Variants in DLL3 observed in about 807,000 individuals in gnomAD.
The protein encoded by DLL3 is delta like canonical Notch ligand 3.
In DLL3, 49 loss-of-function variants were observed where a neutral mutation model predicts 55.0. The ratio of observed to expected loss-of-function variants is 0.89; its 90% CI spans 0.71 to 1.13. The LOEUF (loss-of-function observed/expected upper bound fraction) is 1.13, where lower values mean the gene tolerates loss of function less well. DLL3 is among the 50% of genes most tolerant of loss of function. The pLI, the probability that DLL3 is intolerant of heterozygous loss-of-function variation, is 0.00. For missense variants in DLL3, 962 were observed against 875.5 expected, an observed-to-expected ratio of 1.10 and a Z score of -1.25; for synonymous variants, 421 against 385.2, an observed-to-expected ratio of 1.09 and a Z score of -1.09.
At chr19:39,499,584 G>A (rs926077655) in intron 2 of DLL3, 111 bp downstream of exon 2, 2 of 1,417,140 alleles carry the variant, frequency 1.4e-6, no homozygotes, top group Non-Finnish European at 1.9e-6. Context: ...CTCCCAGGGG[G>A]TGGACGAAAT....
chr19:39,499,227 C>G lies in DLL3; in HGVS notation c.105C>G (p.His35Gln). 6.4e-7 allele frequency: 1 copy of G among 1,555,290 alleles called. No individual in the cohort carries two copies. The highest frequency in any genetic ancestry group is 8.7e-7 in the Non-Finnish European group (1 of 1,155,534). ...CTGGCGTCTTCGAGCTGCAGATCCA[C>G]TCTTTCGGGCCGGGTCCAGGCCCTG... ...RPAGVFELQI[H>Q]SFGPGPGPGA... Residue 35 changes from histidine (H) to glutamine (Q), a missense_variant, in exon 2 of 9, where the codon CAC becomes CAG. By Grantham distance (24) the His-to-Gln change is conservative (BLOSUM62 0). Coordinates refer to ENST00000356433, the MANE Select transcript of DLL3 (RefSeq NM_203486.3).
Position 39,507,097 on chromosome 19 carries a change from G to T in DLL3, c.1152G>T (p.Ala384=), listed in dbSNP as rs115456333. 6.5e-7 allele frequency: 1 copy of T among 1,543,400 alleles called. No homozygotes were observed. Among genetic ancestry groups the T allele is most frequent in the East Asian group, 2.4e-5 (1 of 41,534 alleles). The change falls in exon 7 of 9, where the codon GCG becomes GCT. Residue 384 remains alanine (A), a synonymous_variant. Transcript: ENST00000356433. ...ALRCRCRAGF[A]GPRCEHDLDD... The stretch of plus-strand genomic sequence containing the variant: ...GCTGCCGCTGCCGCGCCGGCTTCGC[G>T]GGTCCTCGCTGCGAGCACGACCTGG...
At chr19:39,506,315 C>G (rs1372244400) in intron 6 of DLL3, among the ~76,000 whole-genome samples, 2 of 147,360 alleles carry the variant, frequency 1.4e-5, no homozygotes, top group Admixed American at 1.4e-4. Context: ...TGCAGTGAGC[C>G]GAGATCGCGC....
In DLL3 at chr19:39,502,995, C is replaced by T. The variant is rs2079619386; in HGVS notation, c.590C>T (p.Pro197Leu). ...CTRLCRPRSA[P>L]SRCGPGLRPC... is the part of the protein sequence containing the mutation. The stretch of plus-strand genomic sequence containing the variant: ...CGCCTCTGCCGTCCGCGCAGCGCCC[C>T]CTCGCGGTGCGGTCCGGGACTGCGC... The change falls in exon 4 of 9, where the codon CCC becomes CTC. Residue 197 changes from proline (P) to leucine (L), a missense_variant. Transcript: ENST00000356433. 6.7e-7 allele frequency: 1 copy of T among 1,484,496 alleles called. No homozygotes were observed. Among genetic ancestry groups the T allele is most frequent in the African/African-American group, 1.5e-5 (1 of 68,566 alleles). 92.0% of individuals were successfully genotyped at this position (1,484,496 alleles called of 1,614,324 possible).
chr19:39,500,643 G>A lies in DLL3; in HGVS notation c.380G>A (p.Trp127Ter). ...ACCTTCTCTTTCATCATCGAAACCT[G>A]GAGAGAGGAGTTAGGAGACCAGATT... ...PGTFSFIIET[W>*]REELGDQIGG... Residue 127 changes from tryptophan (W) to a stop codon, truncating the protein, a stop_gained, in exon 3 of 9, where the codon TGG (tryptophan) becomes TAG (stop). Coordinates refer to ENST00000356433, the MANE Select transcript of DLL3 (RefSeq NM_203486.3). LOFTEE classifies it high-confidence loss of function. The A allele has an allele frequency of 6.2e-7, 1 of 1,613,680 alleles. No individual in the cohort carries two copies. Among genetic ancestry groups the A allele is most frequent in the South Asian group, 1.1e-5 (1 of 91,072 alleles).
In DLL3 at chr19:39,508,259, G is replaced by A. The variant is rs758451349; in HGVS notation, c.*2G>A. 12 of 1,613,802 alleles carry A rather than the reference G, an allele frequency of 7.4e-6. No individual in the cohort carries two copies. In the Admixed American group the frequency reaches 1.7e-4, roughly 22 times the overall value. On this transcript the variant is annotated 3_prime_UTR_variant, in exon 9 of 9. Transcript: ENST00000356433. ...TACTCATTTTGTTTCTAGGCCTGAC[G>A]CGTCTCCTCCATCCGCACCTGGAGT...
At chr19:39,499,526 G>A (rs1026571683) in intron 2 of DLL3, 53 bp downstream of exon 2, 18 of 1,550,894 alleles carry the variant, frequency 1.2e-5, no homozygotes, top group East Asian at 2.4e-5. Context: ...CCCTGCCAGC[G>A]AAACCTCCAC....
At chr19:39,505,498 G>A in intron 6 of DLL3, 47 bp downstream of exon 6, 1 of 1,605,778 alleles carries the variant, frequency 6.2e-7, no homozygotes, top group African/African-American at 1.3e-5. Flanking sequence ...GGGGGTCCTG[G>A]ATGGCTCAGA....
Position 39,507,506 on chromosome 19 carries a change from T to A in DLL3, c.1561T>A (p.Ser521Thr), listed in dbSNP as rs779452017. 3.8e-6 allele frequency: 6 copies of A among 1,599,210 alleles called. No individual in the cohort carries two copies. In the East Asian group the frequency reaches 1.4e-4, roughly 36 times the overall value. ...GGTCCACGTGCGCCGCCGTGGCCAC[T>A]CCCAGGATGCTGGGTCTCGCTTGCT... ...LLVHVRRRGH[S>T]QDAGSRLLAG... is the part of the protein sequence containing the mutation. The change falls in exon 7 of 9, where the codon TCC (serine) becomes ACC (threonine). Residue 521 changes from serine (S) to threonine (T), a missense_variant. By Grantham distance (58) the Ser-to-Thr change is moderately conservative. Transcript: ENST00000356433.
chr19:39,507,071 C>A lies in DLL3; in HGVS notation c.1126C>A (p.Arg376Ser). 15 of 1,540,784 alleles carry A rather than the reference C, an allele frequency of 9.7e-6. No individual in the cohort carries two copies. The highest frequency in any genetic ancestry group is 1.3e-5 in the Non-Finnish European group (15 of 1,150,394). The stretch of plus-strand genomic sequence containing the variant: ...CTGCCTGGACCTGGGCCACGCCCTG[C>A]GCTGCCGCTGCCGCGCCGGCTTCGC... ...GLCLDLGHAL[R>S]CRCRAGFAGP... Residue 376 changes from arginine (R) to serine (S), a missense_variant, in exon 7 of 9, where the codon CGC becomes AGC. Physicochemically the swap from Arg to Ser is moderately radical, Grantham distance 110. Coordinates refer to ENST00000356433, the MANE Select transcript of DLL3 (RefSeq NM_203486.3).
intron 3 of DLL3, among the ~76,000 whole-genome samples, chr19:39,501,803 C>T (rs2079610655): frequency 6.6e-6 from 1 of 152,178 alleles, no homozygotes; most frequent in East Asian, 1.9e-4. Flanking sequence ...GTTATGACCT[C>T]ACTTCAGACA....
At position 39,499,262 on chromosome 19, in the gene DLL3, G is replaced by A. The variant is rs933987748; in HGVS notation, c.140G>A (p.Arg47Gln). The change falls in exon 2 of 9, where the codon CGG becomes CAG. Residue 47 changes from arginine (R) to glutamine (Q), a missense_variant. By Grantham distance (43) the Arg-to-Gln change is conservative. Transcript: ENST00000356433. ...FGPGPGPGAP[R>Q]SPCSARLPCR... is the part of the protein sequence containing the mutation. ...CCGGGTCCAGGCCCTGGGGCCCCGC[G>A]GTCCCCCTGCAGCGCCCGGCTCCCC... 10 of 1,543,196 alleles carry A rather than the reference G, an allele frequency of 6.5e-6. No individual in the cohort carries two copies. The highest frequency in any genetic ancestry group is 2.1e-4 in the Middle Eastern group (1 of 4,724).
intron 5 of DLL3, among the ~76,000 whole-genome samples, 160 bp from the exon 6 acceptor site, chr19:39,505,069 G>C (rs1020480142): frequency 1.3e-5 from 2 of 152,120 alleles, no homozygotes; most frequent in African/African-American, 4.8e-5. Context: ...GAAGAATGTG[G>C]AGTGGATCGA....
chr19:39,507,256 C>T lies in DLL3; in HGVS notation c.1311C>T (p.Pro437=). 6.5e-7 allele frequency: 1 copy of T among 1,527,080 alleles called. No individual in the cohort carries two copies. The highest frequency in any genetic ancestry group is 8.7e-7 in the Non-Finnish European group (1 of 1,143,498). 94.6% of individuals were successfully genotyped at this position (1,527,080 alleles called of 1,614,324 possible). Residue 437 remains proline, a synonymous_variant, in exon 7 of 9, where the codon CCC becomes CCT. Coordinates refer to ENST00000356433, the MANE Select transcript of DLL3 (RefSeq NM_203486.3). The part of the protein sequence containing the change: ...RERADPCAAR[P]CAHGGRCYAH... ...GCGCGGACCCGTGCGCCGCGCGCCCCTGTGCTCACGGCGGCCGCTGCTACG... is the reference window on the plus strand; with the variant it reads ...GCGCGGACCCGTGCGCCGCGCGCCCTTGTGCTCACGGCGGCCGCTGCTACG...
Position 39,499,233 on chromosome 19 carries a change from C to A in DLL3, c.111C>A (p.Phe37Leu), listed in dbSNP as rs1428199709. The A allele has an allele frequency of 1.3e-6, 2 of 1,551,296 alleles. No homozygotes were observed. The highest frequency in any genetic ancestry group is 1.9e-5 in the Admixed American group (1 of 52,144). ...AGVFELQIHSFGPGPGPGAPR... is the reference protein window; with the variant it reads ...AGVFELQIHSLGPGPGPGAPR... ...TCTTCGAGCTGCAGATCCACTCTTTCGGGCCGGGTCCAGGCCCTGGGGCCC... is the reference window on the plus strand; with the variant it reads ...TCTTCGAGCTGCAGATCCACTCTTTAGGGCCGGGTCCAGGCCCTGGGGCCC... Residue 37 changes from phenylalanine (F) to leucine (L), a missense_variant, in exon 2 of 9, where the codon TTC (phenylalanine) becomes TTA (leucine). By Grantham distance (22) the Phe-to-Leu change is conservative (BLOSUM62 0). Coordinates refer to ENST00000356433, the MANE Select transcript of DLL3 (RefSeq NM_203486.3).
chr19:39,501,531 A>G (rs2079609644), intron 3 of DLL3, among the ~76,000 whole-genome samples: 1 of 152,066 alleles, frequency 6.6e-6, no homozygotes, highest in Admixed American at 6.6e-5. Context: ...TATGTTGCCC[A>G]GGCTGGTCTC....
At position 39,506,104 on chromosome 19, in the gene DLL3, C is replaced by T. The variant is rs191938080; in HGVS notation, c.1093+653C>T. 1.4e-4 allele frequency among the ~76,000 whole-genome samples: 21 copies of T among 149,018 alleles called. No homozygotes were observed. In the East Asian group the frequency reaches 4.0e-3, roughly 29 times the overall value. On this transcript the variant is annotated intron_variant, in intron 6 of 8. Coordinates refer to ENST00000356433, the MANE Select transcript of DLL3 (RefSeq NM_203486.3). ...GCAGGTGCTTGTAATCCCAGCTACTCGGGAGGCTAAGGCGGAAGAATCACT... is the reference window on the plus strand; with the variant it reads ...GCAGGTGCTTGTAATCCCAGCTACTTGGGAGGCTAAGGCGGAAGAATCACT...
At chr19:39,503,382 C>T (rs956560689) in intron 4 of DLL3, among the ~76,000 whole-genome samples, 7 of 152,188 alleles carry the variant, frequency 4.6e-5, no homozygotes, top group African/African-American at 1.7e-4. Context: ...AGCCCACGTC[C>T]ATTTTCTATG....
Position 39,504,131 on chromosome 19 carries a change from G to C in DLL3, c.713G>C (p.Arg238Pro). The change falls in exon 5 of 9, where the codon CGA becomes CCA. Residue 238 changes from arginine to proline, a missense_variant. Arg to Pro is a moderately radical substitution (Grantham distance 103). Transcript: ENST00000356433. ...TTCTGTGAACAGCCCGGTGAATGCC[G>C]ATGCCTAGAGGGCTGGACTGGACCC... ...HGFCEQPGEC[R>P]CLEGWTGPLC... 2 of 1,612,918 alleles carry C rather than the reference G, an allele frequency of 1.2e-6. No individual in the cohort carries two copies. Among genetic ancestry groups the C allele is most frequent in the Non-Finnish European group, 8.5e-7 (1 of 1,180,010 alleles).
Sources: gnomAD v4.1 joint callset for allele counts (sites outside exome capture counted in the v4.1 genomes callset) on GRCh38, gnomAD v4.1.1 for gene constraint, MANE v1.5 for transcripts, NCBI Gene and HGNC (gene_info 2026-07-23, HGNC 2026-07-21) for gene names.